PRSS55: variants seen among roughly 807,000 people sequenced by gnomAD.
The protein encoded by PRSS55 is probable serine protease UNQ9391/PRO34284.
PRSS55 carries 41 observed loss-of-function variants against 23.6 expected under a neutral mutation model. The observed-to-expected ratio is 1.74, with a 90% CI of 1.35 to 2.26. The LOEUF (loss-of-function observed/expected upper bound fraction) is 2.26. PRSS55 is among the 30% of genes most tolerant of loss of function. The pLI is 0.00. For missense variants in PRSS55, 669 were observed against 439.1 expected, an observed-to-expected ratio of 1.52 and a Z score of -4.68; for synonymous variants, 262 against 175.5, an observed-to-expected ratio of 1.49 and a Z score of -3.90.
chr8:10,527,986 G>C (rs1264417474), intron 1 of PRSS55, among the ~76,000 whole-genome samples: 2 of 152,156 alleles, frequency 1.3e-5, no homozygotes, highest in African/African-American at 4.8e-5. Flanking sequence ...GCCGAGGCGG[G>C]CAGATCATCT....
intron 1 of PRSS55, among the ~76,000 whole-genome samples, chr8:10,527,547 T>A (rs1468306773): frequency 1.3e-5 from 2 of 152,192 alleles, no homozygotes; most frequent in African/African-American, 4.8e-5. Flanking sequence ...TAGACACAGG[T>A]CAGGGAAGGC....
At chr8:10,534,070 G>C (rs375941730) in intron 4 of PRSS55, among the ~76,000 whole-genome samples, 2 of 152,142 alleles carry the variant, frequency 1.3e-5, no homozygotes, top group South Asian at 4.2e-4. Context: ...GGACCAAAAA[G>C]ACACATGAAC....
intron 1 of PRSS55, among the ~76,000 whole-genome samples, chr8:10,527,605 A>G (rs917504311): frequency 6.6e-6 from 1 of 152,262 alleles, no homozygotes; most frequent in Non-Finnish European, 1.5e-5. Flanking sequence ...TGAGCCAGGT[A>G]GCTGCCTGGG....
At chr8:10,546,474 T>G (rs761830152) in intron 4 of PRSS55, among the ~76,000 whole-genome samples, 1 of 152,168 alleles carries the variant, frequency 6.6e-6, no homozygotes, top group African/African-American at 2.4e-5. Context: ...AGTTGCACTT[T>G]TGAATGCCTC....
intron 1 of PRSS55, among the ~76,000 whole-genome samples, chr8:10,527,759 GTTGTCTCAA>G (rs1416345308): frequency 1.3e-5 from 2 of 152,216 alleles, no homozygotes; most frequent in Non-Finnish European, 2.9e-5. Context: ...CTGTACGTCA[GTTGTCTCAA>G]TTACAAAGTG....
chr8:10,527,632 A>G lies in PRSS55; in HGVS notation c.155-1875A>G, dbSNP rs530207170. On this transcript the variant is annotated intron_variant, in intron 1 of 4. Transcript: ENST00000328655. ...CTGCCTGGGGAAGAATATTTCAGGC[A>G]GAGAGCCACATGGCGCAGTGGTGAG... 2.0e-5 allele frequency among the ~76,000 whole-genome samples: 3 copies of G among 152,396 alleles called. No homozygotes were observed. The South Asian group carries it at 6.2e-4, about 32-fold the overall frequency.
intron 4 of PRSS55, among the ~76,000 whole-genome samples, chr8:10,550,280 C>T (rs1386661717): frequency 6.6e-6 from 1 of 152,138 alleles, no homozygotes; most frequent in Non-Finnish European, 1.5e-5. Flanking sequence ...CCTAGGGAGC[C>T]CCATAACACA....
intron 4 of PRSS55, among the ~76,000 whole-genome samples, chr8:10,548,345 G>C (rs1218059983): frequency 6.6e-6 from 1 of 152,172 alleles, no homozygotes; most frequent in East Asian, 1.9e-4. Context: ...GACAGACACA[G>C]CCCTGGAGGG....
downstream of PRSS55, among the ~76,000 whole-genome samples, chr8:10,542,418 G>A (rs1455417126): frequency 3.0e-5 from 1 of 33,634 alleles, no homozygotes; most frequent in African/African-American, 6.2e-5. Context: ...ACCATGCGGG[G>A]GAAAAAAAAA....
intron 2 of PRSS55, among the ~76,000 whole-genome samples, chr8:10,530,069 A>AC (rs1478327137): frequency 6.6e-6 from 1 of 152,022 alleles, no homozygotes; most frequent in Non-Finnish European, 1.5e-5. Context: ...GGGCCACCTG[A>AC]CCCCCTACTC....
rs1245199416 is a variant in PRSS55 at position 10,532,986 on chromosome 8, C to G, written c.679C>G (p.Pro227Ala). ...CTGGGAGGAGTGTTCAAAGATGTTT[C>G]CAAAACTTACCAAAAATATGCTGTG... ...MDWEECSKMF[P>A]KLTKNMLCAG... Residue 227 changes from proline (P) to alanine (A), a missense_variant, in exon 4 of 5, where the codon CCA (proline) becomes GCA (alanine). Coordinates refer to ENST00000328655, the MANE Select transcript of PRSS55 (RefSeq NM_198464.4). 7 of 1,614,158 alleles carry G rather than the reference C, an allele frequency of 4.3e-6. No individual in the cohort carries two copies. The highest frequency in any genetic ancestry group is 5.9e-6 in the Non-Finnish European group (7 of 1,180,030).
At chr8:10,545,740 TATTC>T (rs1203871051) in intron 4 of PRSS55, among the ~76,000 whole-genome samples, 1 of 152,206 alleles carries the variant, frequency 6.6e-6, no homozygotes, top group Non-Finnish European at 1.5e-5. Context: ...AGACATGTGT[TATTC>T]ATTGTCTTGA....
intron 3 of PRSS55, among the ~76,000 whole-genome samples, chr8:10,532,636 G>A (rs759096630): frequency 6.6e-6 from 1 of 152,356 alleles, no homozygotes; most frequent in Non-Finnish European, 1.5e-5. Flanking sequence ...AGCTGAGTCT[G>A]TGGGGCTGAC....
intron 4 of PRSS55, 80 bp downstream of exon 4, chr8:10,533,128 T>A: frequency 6.9e-7 from 1 of 1,445,544 alleles, no homozygotes; most frequent in African/African-American, 1.4e-5. Flanking sequence ...CTCTCTCTGC[T>A]GCAAATAGAC....
At chr8:10,531,619 G>C in intron 3 of PRSS55, 74 bp downstream of exon 3, 1 of 1,574,786 alleles carries the variant, frequency 6.4e-7, no homozygotes, top group Non-Finnish European at 8.6e-7. Flanking sequence ...GCTAAGGAAG[G>C]AGTGAGGACA....
At chr8:10,547,941 G>C (rs1277435563) in intron 4 of PRSS55, among the ~76,000 whole-genome samples, 2 of 149,588 alleles carry the variant, frequency 1.3e-5, no homozygotes, top group Admixed American at 6.7e-5. Context: ...GACTGGTGGA[G>C]AGGCACAGAG....
At chr8:10,527,130 T>C (rs1462751089) in intron 1 of PRSS55, among the ~76,000 whole-genome samples, 1 of 152,246 alleles carries the variant, frequency 6.6e-6, no homozygotes, top group African/African-American at 2.4e-5. Flanking sequence ...AATATGATTT[T>C]CATCCTGACT....
intron 4 of PRSS55, among the ~76,000 whole-genome samples, chr8:10,552,302 G>A (rs908337641): frequency 5.3e-5 from 8 of 152,262 alleles, no homozygotes; most frequent in Middle Eastern, 3.4e-3. Context: ...GCAAAGCTAC[G>A]GATGGCTGGA....
At chr8:10,547,382 C>G (rs945313634) in intron 4 of PRSS55, 1 of 152,310 alleles carries the variant, frequency 6.6e-6, no homozygotes, top group Non-Finnish European at 1.5e-5. Flanking sequence ...TGGAAGCCTG[C>G]ACTGTTTTGC....
Sources: allele counts gnomAD v4.1 joint callset (sites outside exome capture counted in the v4.1 genomes callset), GRCh38; gene constraint gnomAD v4.1.1; transcripts MANE v1.5; gene names NCBI Gene and HGNC (gene_info 2026-07-23, HGNC 2026-07-21).